Variants in LZTR1 observed in about 807,000 individuals in gnomAD.
LZTR1 encodes the protein leucine zipper like post translational regulator 1.
Under a neutral mutation model 105.7 loss-of-function variants are expected in LZTR1, and 260 were observed. The ratio of observed to expected loss-of-function variants is 2.46; its 90% CI spans 2.22 to 2.72. The LOEUF is 2.72. Among genes scored for constraint, LZTR1 ranks in the 30% most tolerant of loss-of-function variants. The probability of loss-of-function intolerance (pLI) is 0.00; values close to 1 mark genes in which losing one functional copy is unlikely to be tolerated. For missense variants in LZTR1, 1,214 were observed against 1,166.9 expected (o/e 1.04, Z -0.59); for synonymous variants, 490 against 476.4 (o/e 1.03, Z -0.37).
intron 6 of LZTR1, 92 bp from the exon 7 acceptor site, chr22:20,989,533 G>A (rs1924519555): frequency 4.0e-6 from 4 of 1,012,306 alleles, no homozygotes; most frequent in East Asian, 2.4e-5. Context: ...TGTGGGGGTG[G>A]GGCTCCTCCC....
chr22:20,994,657 C>T lies in LZTR1; in HGVS notation c.1715C>T (p.Ala572Val). Reference protein sequence around the residue: ...LEQLCRQYIEASVDLQNVLVV... With the variant: ...LEQLCRQYIEVSVDLQNVLVV... The stretch of plus-strand genomic sequence containing the variant: ...CAGCTGTGCCGCCAGTACATCGAGG[C>T]CTCCGTGGACCTGCAGAACGTGCTG... The change falls in exon 15 of 21, where the codon GCC becomes GTC. Residue 572 changes from alanine to valine, a missense_variant. By Grantham distance (64) the Ala-to-Val change is moderately conservative. Transcript: ENST00000646124. 1 of 1,612,936 alleles carries T rather than the reference C, an allele frequency of 6.2e-7. No homozygotes were observed. The highest frequency in any genetic ancestry group is 1.1e-5 in the South Asian group (1 of 91,088).
chr22:20,985,790 A>C (rs1224311473), intron 2 of LZTR1, 51 bp from the exon 3 acceptor site: 1 of 1,561,254 alleles, frequency 6.4e-7, no homozygotes, highest in African/African-American at 1.4e-5. Flanking sequence ...CTCTGGGGTC[A>C]CTGCAGAGTA....
Position 20,993,918 on chromosome 22 carries a change from G to A in LZTR1, c.1354-6G>A, listed in dbSNP as rs768412833. 2.5e-6 allele frequency: 4 copies of A among 1,610,844 alleles called. No homozygotes were observed. The highest frequency in any genetic ancestry group is 3.4e-6 in the Non-Finnish European group (4 of 1,179,374). ...GCCCTCTGCCAGTGCATCATTCTTT[G>A]TGCAGAAGGAGGAGTGCGTGCAGGG... On this transcript the variant is annotated splice_polypyrimidine_tract_variant and splice_region_variant and intron_variant, in intron 12 of 20. Transcript: ENST00000646124.
rs762525437 is a variant in LZTR1, at chr22:20,996,730, TACA to T, written c.2260_2262del (p.Asn754del). The T allele has an allele frequency of 5.0e-6, 8 of 1,613,410 alleles. No individual in the cohort carries two copies. The highest frequency in any genetic ancestry group is 1.7e-5 in the Admixed American group (1 of 59,986). ...TGCGGCCCCCTACTACTACGGCTTC[TACA>T]ACAACCGGCTGCAGGCGTACTGCAA... On this transcript the variant is annotated inframe_deletion, in exon 19 of 21. Coordinates refer to ENST00000646124, the MANE Select transcript of LZTR1 (RefSeq NM_006767.4).
In LZTR1 at chr22:20,988,007, C is replaced by A. The variant is rs777927039; in HGVS notation, c.401-3C>A. On this transcript the variant is annotated splice_region_variant and splice_polypyrimidine_tract_variant and intron_variant, in intron 4 of 20. Coordinates refer to ENST00000646124, the MANE Select transcript of LZTR1 (RefSeq NM_006767.4). ...TTGACAGTTTCTCACTCTCTTTACT[C>A]AGGGGGTTACACTGGGGACATTTAT... 6.4e-7 allele frequency: 1 copy of A among 1,557,742 alleles called. No individual in the cohort carries two copies. The highest frequency in any genetic ancestry group is 2.2e-5 in the East Asian group (1 of 44,636).
Position 20,988,874 on chromosome 22 carries a change from T to C in LZTR1, c.593+2T>C. On this transcript the variant is annotated splice_donor_variant, in intron 6 of 20. Coordinates refer to ENST00000646124, the MANE Select transcript of LZTR1 (RefSeq NM_006767.4). LOFTEE classifies it high-confidence loss of function. ...TGCTGGCTATGACGGCAACGCCAGG[T>C]GGGTGGTGGTCCGGCCTGTGCACCC... 1 of 1,613,562 alleles carries C rather than the reference T, an allele frequency of 6.2e-7. No individual in the cohort carries two copies. Among genetic ancestry groups the C allele is most frequent in the Non-Finnish European group, 8.5e-7 (1 of 1,179,804 alleles).
chr22:20,995,544 G>T, intron 16 of LZTR1: 1 of 732,384 alleles, frequency 1.4e-6, no homozygotes, highest in Non-Finnish European at 2.5e-6. Flanking sequence ...TGGGCTGTGC[G>T]TGGGGCATAG....
rs962035678 is a variant in LZTR1 at position 20,988,923 on chromosome 22, G to A, written c.593+51G>A. The A allele has an allele frequency of 2.2e-5, 33 of 1,516,588 alleles. No homozygotes were observed. The Admixed American group carries it at 2.3e-4, about 11-fold the overall frequency. 93.9% of individuals were successfully genotyped at this position (1,516,588 alleles called of 1,614,324 possible). The stretch of plus-strand genomic sequence containing the variant: ...CCCACCTCCGACAGCACTGAGACCC[G>A]GAGCAGGCCGTCCTGGCATTTGAGG... On this transcript the variant is annotated intron_variant, in intron 6 of 20. Coordinates refer to ENST00000646124, the MANE Select transcript of LZTR1 (RefSeq NM_006767.4).
At chr22:20,991,552 A>C (rs1210943441) in intron 8 of LZTR1, 76 bp from the exon 9 acceptor site, 2 of 1,181,372 alleles carry the variant, frequency 1.7e-6, no homozygotes, top group Non-Finnish European at 2.4e-6. Context: ...CTCCCAGTGA[A>C]GGCCTGCTGT....
Position 20,996,933 on chromosome 22 carries a change from C to T in LZTR1, c.2373C>T (p.His791=), listed in dbSNP as rs148993324. Residue 791 remains histidine, a synonymous_variant, in exon 20 of 21, where the codon CAC becomes CAT. Coordinates refer to ENST00000646124, the MANE Select transcript of LZTR1 (RefSeq NM_006767.4). ...CGCAGGCACTGGACATGAAGCGGCA[C>T]TGCCTGCACATCATTGTGCACCAGT... The part of the protein sequence containing the change: ...DKTQALDMKR[H]CLHIIVHQFT... The T allele has an allele frequency of 5.0e-4, 813 of 1,613,576 alleles. 3 individuals are homozygous for T. In the African/African-American group the frequency reaches 9.7e-3, roughly 19 times the overall value.
In LZTR1 at chr22:20,989,664, GC is replaced by G; in HGVS notation, c.634del (p.Leu212SerfsTer40). On this transcript the variant is annotated frameshift_variant, in exon 7 of 21. Coordinates refer to ENST00000646124, the MANE Select transcript of LZTR1 (RefSeq NM_006767.4). LOFTEE classifies it high-confidence loss of function. ...MWTIGLQDRE[L>X]TCWEEVAQSG... ...GGACAATTGGCCTCCAGGACCGAGA[GC>G]TCACCTGCTGGGAGGAGGTGAGGGG... 6.2e-7 allele frequency: 1 copy of G among 1,612,716 alleles called. No individual in the cohort carries two copies. The highest frequency in any genetic ancestry group is 8.5e-7 in the Non-Finnish European group (1 of 1,179,808).
Position 20,994,285 on chromosome 22 carries a change from G to T in LZTR1, c.1615+16G>T, listed in dbSNP as rs1348918254. The T allele has an allele frequency of 1.3e-6, 2 of 1,595,520 alleles. No homozygotes were observed. The highest frequency in any genetic ancestry group is 1.7e-6 in the Non-Finnish European group (2 of 1,178,014). ...CCACGGAAAGGTCCGCCTGGGTGGG[G>T]GTGGAGCAGGGTTGGTGTGGGCTGG... On this transcript the variant is annotated intron_variant, in intron 14 of 20. Coordinates refer to ENST00000646124, the MANE Select transcript of LZTR1 (RefSeq NM_006767.4).
At position 20,985,626 on chromosome 22, in the gene LZTR1, T is replaced by G. The variant is rs178286; in HGVS notation, c.264-215T>G. 0.44 allele frequency among the ~76,000 whole-genome samples: 67,600 copies of G among 152,034 alleles called. 15,410 individuals carry two copies. The highest frequency in any genetic ancestry group is 0.55 in the South Asian group (2,645 of 4,820). Reference sequence around the variant, plus strand: ...GGTCCTGACCCCAGGCAGGCTGGTGTCTGCCTGTGTGGCAGCCCTGGTGCC... The same window carrying G: ...GGTCCTGACCCCAGGCAGGCTGGTGGCTGCCTGTGTGGCAGCCCTGGTGCC... On this transcript the variant is annotated intron_variant, in intron 2 of 20. Transcript: ENST00000646124.
At position 20,995,748 on chromosome 22, in the gene LZTR1, A is replaced by G. The variant is rs1924811734; in HGVS notation, c.1945A>G (p.Thr649Ala). The G allele has an allele frequency of 6.2e-7, 1 of 1,613,556 alleles. No individual in the cohort carries two copies. Among genetic ancestry groups the G allele is most frequent in the Non-Finnish European group, 8.5e-7 (1 of 1,179,988 alleles). ...CTCAGGGACCCTCCTACCCCCAGGC[A>G]CATCTCTGATCCAGGACATGAAGGC... ...TPLDQPVDIG[T>A]SLIQDMKAYL... The change falls in exon 17 of 21, where the codon ACA (threonine) becomes GCA (alanine). Residue 649 changes from threonine to alanine, a missense_variant and splice_region_variant. Coordinates refer to ENST00000646124, the MANE Select transcript of LZTR1 (RefSeq NM_006767.4).
Position 20,992,225 on chromosome 22 carries a change from T to G in LZTR1, c.1005T>G (p.Ala335=). ...TCTCCCCTCTTCAGGTTGGTGGGGCTGAAGTGCCCGAGCGAGCCTGTGCTT... is the reference window on the plus strand; with the variant it reads ...TCTCCCCTCTTCAGGTTGGTGGGGCGGAAGTGCCCGAGCGAGCCTGTGCTT... The part of the protein sequence containing the change: ...QPSSDSEVGG[A]EVPERACASE... The change falls in exon 10 of 21, where the codon GCT becomes GCG. Residue 335 remains alanine, a synonymous_variant. Coordinates refer to ENST00000646124, the MANE Select transcript of LZTR1 (RefSeq NM_006767.4). 1 of 1,613,574 alleles carries G rather than the reference T, an allele frequency of 6.2e-7. No individual in the cohort carries two copies. Among genetic ancestry groups the G allele is most frequent in the Non-Finnish European group, 8.5e-7 (1 of 1,179,856 alleles).
In LZTR1 at chr22:20,994,933, T is replaced by G. The variant is rs774354985; in HGVS notation, c.1849T>G (p.Phe617Val). 1 of 1,613,196 alleles carries G rather than the reference T, an allele frequency of 6.2e-7. No individual in the cohort carries two copies. The highest frequency in any genetic ancestry group is 8.5e-7 in the Non-Finnish European group (1 of 1,179,954). ...HFNQVIMMKE[F>V]ERLSSPLIVE... is the part of the protein sequence containing the mutation. ...CAACCAGGTGATCATGATGAAGGAG[T>G]TCGAGCGCCTCTCCTCTCCACTGAT... The change falls in exon 16 of 21, where the codon TTC (phenylalanine) becomes GTC (valine). Residue 617 changes from phenylalanine to valine, a missense_variant. Coordinates refer to ENST00000646124, the MANE Select transcript of LZTR1 (RefSeq NM_006767.4).
rs1241079044 is a variant in LZTR1, at chr22:20,992,834, C to A, written c.1190C>A (p.Ser397Ter). Residue 397 changes from serine to a stop codon, truncating the protein, a stop_gained, in exon 11 of 21, where the codon TCG becomes TAG. Transcript: ENST00000646124. LOFTEE classifies it high-confidence loss of function. ...CTCTTCCACGCGGCTGCTGTCATCT[C>A]GGACGCCATGTACATCTTCGGGGGC... Reference protein sequence around the residue: ...GRLFHAAAVISDAMYIFGGTV... With the variant: ...GRLFHAAAVI 2.5e-6 allele frequency: 4 copies of A among 1,608,904 alleles called. No individual in the cohort carries two copies. Among genetic ancestry groups the A allele is most frequent in the South Asian group, 2.2e-5 (2 of 90,004 alleles).
rs747701179 is a variant in LZTR1 at position 20,993,753 on chromosome 22, A to T, written c.1352A>T (p.Glu451Val). ...TGCGACGTGGAGTTCGTGCTGGGTG[A>T]GGTGGGTGCCTGTCCTCGCACCCTG... ...QFCDVEFVLG[E>V]KEECVQGHVA... The change falls in exon 12 of 21, where the codon GAG (glutamate) becomes GTG (valine). Residue 451 changes from glutamate to valine, a missense_variant and splice_region_variant. Transcript: ENST00000646124. 5.6e-6 allele frequency: 9 copies of T among 1,612,328 alleles called. No individual in the cohort carries two copies. Among genetic ancestry groups the T allele is most frequent in the South Asian group, 1.1e-5 (1 of 91,026 alleles).
rs756560607 is a variant in LZTR1 at position 20,987,531 on chromosome 22, C to T, written c.348C>T (p.Ala116=). ...CRAFTTGTPP[A]PRYHHSAVVY... ...CCTTTACCACTGGGACCCCACCGGC[C>T]CCCCGTTACCACCACTCGGCCGTCG... is the stretch of plus-strand genomic sequence containing the variant. Residue 116 remains alanine, a synonymous_variant, in exon 4 of 21, where the codon GCC becomes GCT. Coordinates refer to ENST00000646124, the MANE Select transcript of LZTR1 (RefSeq NM_006767.4). 3.1e-6 allele frequency: 5 copies of T among 1,614,130 alleles called. No homozygotes were observed. Among genetic ancestry groups the T allele is most frequent in the Admixed American group, 1.7e-5 (1 of 60,030 alleles).
Sources: allele counts gnomAD v4.1 joint callset (sites outside exome capture counted in the v4.1 genomes callset), GRCh38; gene constraint gnomAD v4.1.1; transcripts MANE v1.5; gene names NCBI Gene and HGNC (gene_info 2026-07-23, HGNC 2026-07-21).